Variants in RSF1 observed in about 807,000 individuals in gnomAD.
RSF1 encodes remodeling and spacing factor 1.
In RSF1, 13 loss-of-function variants were observed where a neutral mutation model predicts 145.2. That is an observed-to-expected ratio of 0.09 (90% CI 0.06 to 0.14). The LOEUF is 0.14. Among genes scored for constraint, RSF1 ranks in the 10% least tolerant of loss-of-function variants. The pLI is 1.00. For missense variants in RSF1, 1,517 were observed against 1,718.2 expected (o/e 0.88, Z 2.07); for synonymous variants, 577 against 592.6 (o/e 0.97, Z 0.38).
chr11:77,821,418 GTC>G (rs1948894314), upstream of RSF1, among the ~76,000 whole-genome samples: 1 of 152,178 alleles, frequency 6.6e-6, no homozygotes, highest in Non-Finnish European at 1.5e-5. Flanking sequence ...TCGGTAAGAT[GTC>G]TCTGTGGAAG....
At chr11:77,747,159 G>A (rs1948010333) in intron 2 of RSF1, 31 bp from the exon 3 acceptor site, 2 of 1,347,390 alleles carry the variant, frequency 1.5e-6, no homozygotes, top group South Asian at 2.4e-5. Flanking sequence ...CTTAATACAT[G>A]AAAGCAATTT....
At position 77,761,076 on chromosome 11, in the gene RSF1, C is replaced by G. The variant is rs551929250; in HGVS notation, c.279+3522G>C. Reference sequence around the variant, plus strand: ...TCTCCTGCCTCAGCCTCCGGAGTAGCTGGGCGCTTGCCACCACGCCCAGCT... The same window carrying G: ...TCTCCTGCCTCAGCCTCCGGAGTAGGTGGGCGCTTGCCACCACGCCCAGCT... On this transcript the variant is annotated intron_variant, in intron 2 of 15. Transcript: ENST00000308488. Among the ~76,000 whole-genome samples the G allele has an allele frequency of 1.2e-4, 19 of 152,150 alleles. No individual in the cohort carries two copies. The East Asian group carries it at 3.7e-3, about 29-fold the overall frequency.
Position 77,734,442 on chromosome 11 carries a change from T to C in RSF1, c.578+6289A>G. On this transcript the variant is annotated intron_variant, in intron 4 of 15. Transcript: ENST00000308488. Reference sequence around the variant, plus strand: ...TGCACTGCCTTGGTGACCAGGGAAGTCACCCCACGGCTACGGGGAAATTAG... The same window carrying C: ...TGCACTGCCTTGGTGACCAGGGAAGCCACCCCACGGCTACGGGGAAATTAG... The C allele has an allele frequency of 3.3e-6, 5 of 1,513,928 alleles. No individual in the cohort carries two copies. The South Asian group carries it at 5.6e-5, about 17-fold the overall frequency. 93.8% of individuals were successfully genotyped at this position (1,513,928 alleles called of 1,614,324 possible).
At chr11:77,684,109 T>C (rs1394156717) in intron 10 of RSF1, among the ~76,000 whole-genome samples, 1 of 152,210 alleles carries the variant, frequency 6.6e-6, no homozygotes, top group Non-Finnish European at 1.5e-5. Context: ...CATTGATAAA[T>C]AATTTAATTT....
intron 6 of RSF1, 61 bp from the exon 7 acceptor site, chr11:77,698,754 T>G (rs1294465852): frequency 6.7e-6 from 9 of 1,346,812 alleles, no homozygotes; most frequent in Middle Eastern, 1.8e-4. Context: ...AAAAATCTCC[T>G]GATTACATGT....
chr11:77,772,200 G>T (rs546318208), intron 1 of RSF1, among the ~76,000 whole-genome samples: 118 of 151,570 alleles, frequency 7.8e-4, no homozygotes, highest in African/African-American at 2.7e-3. Flanking sequence ...TTGAGACAGG[G>T]TCTCACATCA....
intron 1 of RSF1, among the ~76,000 whole-genome samples, chr11:77,808,733 C>T (rs1400595957): frequency 8.7e-6 from 1 of 114,698 alleles, no homozygotes; most frequent in Non-Finnish European, 1.7e-5. Context: ...CGGGGTTTCA[C>T]CGTGTTAACC....
At chr11:77,753,952 A>C (rs1948090213) in intron 2 of RSF1, among the ~76,000 whole-genome samples, 1 of 152,150 alleles carries the variant, frequency 6.6e-6, no homozygotes, top group South Asian at 2.1e-4. Context: ...GTAAGCACCC[A>C]TTGCCTAGCC....
intron 15 of RSF1, among the ~76,000 whole-genome samples, chr11:77,671,285 T>C (rs1020352353): frequency 6.8e-6 from 1 of 147,536 alleles, no homozygotes; most frequent in Non-Finnish European, 1.5e-5. Flanking sequence ...GAGCTTGTCT[T>C]GTACTACTGG....
intron 15 of RSF1, 22 bp downstream of exon 15, chr11:77,672,016 CTATA>C: frequency 6.3e-7 from 1 of 1,578,234 alleles, no homozygotes; most frequent in African/African-American, 1.4e-5. Flanking sequence ...GTCCAAACTT[CTATA>C]TATAGGAGAC....
upstream of RSF1, among the ~76,000 whole-genome samples, chr11:77,825,042 G>T (rs868421299): frequency 6.6e-6 from 1 of 152,002 alleles, no homozygotes; most frequent in African/African-American, 2.4e-5. Context: ...GTGCAGTGAC[G>T]CGATCTCAGC....
Position 77,728,417 on chromosome 11 carries a change from T to C in RSF1, c.579-2718A>G, listed in dbSNP as rs574461287. On this transcript the variant is annotated intron_variant, in intron 4 of 15. Transcript: ENST00000308488. ...ATGGCTGGGCGTGGTGGCTCACACCTGTAATCCCAGCACTTTGGAGGGCGA... is the reference window on the plus strand; with the variant it reads ...ATGGCTGGGCGTGGTGGCTCACACCCGTAATCCCAGCACTTTGGAGGGCGA... Among the ~76,000 whole-genome samples, 5 of 152,204 alleles carry C rather than the reference T, an allele frequency of 3.3e-5. No individual in the cohort carries two copies. In the East Asian group the frequency reaches 9.6e-4, roughly 29 times the overall value.
At position 77,768,412 on chromosome 11, in the gene RSF1, G is replaced by A. The variant is rs137894062; in HGVS notation, c.188-3723C>T. ...TCCTGACCTCATGATCTCCCGCCTCGGCCTCCCAAAGTGCTGGGATTACAG... is the reference window on the plus strand; with the variant it reads ...TCCTGACCTCATGATCTCCCGCCTCAGCCTCCCAAAGTGCTGGGATTACAG... On this transcript the variant is annotated intron_variant, in intron 1 of 15. Coordinates refer to ENST00000308488, the MANE Select transcript of RSF1 (RefSeq NM_016578.4). Among the ~76,000 whole-genome samples the A allele has an allele frequency of 4.2e-3, 635 of 152,028 alleles. 7 individuals carry two copies. The highest frequency in any genetic ancestry group is 0.014 in the African/African-American group (593 of 41,480).
chr11:77,720,791 C>A (rs1960924882), intron 5 of RSF1, among the ~76,000 whole-genome samples: 1 of 152,114 alleles, frequency 6.6e-6, no homozygotes, highest in African/African-American at 2.4e-5. Flanking sequence ...TGATCTGGAA[C>A]CAGTACTCAT....
intron 5 of RSF1, among the ~76,000 whole-genome samples, chr11:77,714,709 G>A (rs1960764711): frequency 6.6e-6 from 1 of 152,196 alleles, no homozygotes; most frequent in South Asian, 2.1e-4. Flanking sequence ...AAGCGCAGTG[G>A]CGCATGCCTG....
At chr11:77,785,297 A>G (rs1003979846) in intron 1 of RSF1, among the ~76,000 whole-genome samples, 7 of 152,212 alleles carry the variant, frequency 4.6e-5, no homozygotes, top group African/African-American at 1.7e-4. Context: ...CTCAATTTTT[A>G]AAGCAACATT....
intron 15 of RSF1, among the ~76,000 whole-genome samples, chr11:77,669,101 CTCCAATTGCTCA>C (rs1277073459): frequency 6.6e-6 from 1 of 152,180 alleles, no homozygotes; most frequent in Non-Finnish European, 1.5e-5. Flanking sequence ...GCAATTGCTC[CTCCAATTGCTCA>C]GTCATCCTTG....
chr11:77,740,537 T>A (rs1961483580), intron 4 of RSF1, among the ~76,000 whole-genome samples, 194 bp downstream of exon 4: 1 of 152,174 alleles, frequency 6.6e-6, no homozygotes, highest in Non-Finnish European at 1.5e-5. Flanking sequence ...CTACTGAATA[T>A]ACTCATTTAC....
rs749849403 is a variant in RSF1 at position 77,749,335 on chromosome 11, CAGAG to C, written c.280-2211_280-2208del. On this transcript the variant is annotated intron_variant, in intron 2 of 15. Transcript: ENST00000308488. ...ATCTCAAATTTAAAAAAAAGAAAGA[CAGAG>C]AGACAATCAACAATGCAGAGTCCAG... Among the ~76,000 whole-genome samples the C allele has an allele frequency of 3.3e-3, 506 of 152,074 alleles. 7 individuals are homozygous for C. Among genetic ancestry groups the C allele is most frequent in the Admixed American group, 2.6e-3 (39 of 15,284 alleles).
Sources: gnomAD v4.1 joint callset for allele counts (sites outside exome capture counted in the v4.1 genomes callset) on GRCh38, gnomAD v4.1.1 for gene constraint, MANE v1.5 for transcripts, NCBI Gene and HGNC (gene_info 2026-07-23, HGNC 2026-07-21) for gene names.